The following TNK2 variants were observed in gnomAD, a reference collection of about 807,000 sequenced individuals.
The protein encoded by TNK2 is tyrosine kinase non receptor 2.
In TNK2, 83 loss-of-function variants were observed where a neutral mutation model predicts 101.8. The ratio of observed to expected loss-of-function variants is 0.82; its 90% CI spans 0.68 to 0.98. The LOEUF is 0.98. TNK2 is among the 50% of genes least tolerant of loss of function. The probability of loss-of-function intolerance (pLI) is 0.00; values close to 1 mark genes in which losing one functional copy is unlikely to be tolerated. For missense variants in TNK2, 1,665 were observed against 1,483.2 expected (o/e 1.12, Z -2.01); for synonymous variants, 804 against 633.0 (o/e 1.27, Z -4.06).
chr3:195,896,152 G>C, intron 1 of TNK2: 1 of 455,118 alleles, frequency 2.2e-6, no homozygotes, highest in Non-Finnish European at 4.4e-6. Flanking sequence ...ACTGGCGCGA[G>C]GCCATCGCCG....
chr3:195,869,707 A>T (rs916654850), intron 11 of TNK2, 166 bp from the exon 12 acceptor site: 4 of 714,376 alleles, frequency 5.6e-6, no homozygotes, highest in Admixed American at 2.2e-5. Flanking sequence ...CGCAGGCGGC[A>T]GGATGAGGAA....
At chr3:195,887,082 G>C (rs764471818) in intron 2 of TNK2, 35 bp from the exon 3 acceptor site, 2 of 1,554,684 alleles carry the variant, frequency 1.3e-6, no homozygotes, top group Middle Eastern at 2.2e-4. Flanking sequence ...TGCTGTGAAG[G>C]CCGCCGTAGC....
intron 1 of TNK2, among the ~76,000 whole-genome samples, chr3:195,902,074 T>C (rs998013626): frequency 1.3e-5 from 2 of 152,102 alleles, no homozygotes; most frequent in African/African-American, 2.4e-5. Flanking sequence ...CTGAATGCCA[T>C]AGGCCCCTAG....
At chr3:195,907,716 G>GCTGTCCTGACA (rs1272729975) in intron 1 of TNK2, among the ~76,000 whole-genome samples, 2 of 152,238 alleles carry the variant, frequency 1.3e-5, no homozygotes. Flanking sequence ...AGACTGGGCT[G>GCTGTCCTGACA]GGAGCTCCTG....
intron 10 of TNK2, 51 bp from the exon 11 acceptor site, chr3:195,870,256 T>C (rs1247982934): frequency 4.4e-6 from 7 of 1,594,648 alleles, no homozygotes; most frequent in Non-Finnish European, 5.1e-6. Flanking sequence ...TGTGGAGGGG[T>C]GGCAGAATCT....
At chr3:195,894,523 C>T (rs998356000) in intron 1 of TNK2, 2 of 151,830 alleles carry the variant, frequency 1.3e-5, no homozygotes, top group African/African-American at 4.8e-5. Context: ...TCCCGAGTAG[C>T]TGGGATTACA....
At chr3:195,884,730 A>G in intron 4 of TNK2, 82 bp downstream of exon 4, 1 of 1,355,226 alleles carries the variant, frequency 7.4e-7, no homozygotes, top group African/African-American at 1.4e-5. Flanking sequence ...AGTCCCATCC[A>G]CACCCTGGTT....
chr3:195,903,765 C>A (rs1380566641), intron 1 of TNK2, among the ~76,000 whole-genome samples: 1 of 151,816 alleles, frequency 6.6e-6, no homozygotes, highest in East Asian at 1.9e-4. Flanking sequence ...GGCAATCAGG[C>A]AAGAAAAAGA....
At chr3:195,896,075 C>T (rs931124003) in intron 1 of TNK2, 18 of 455,410 alleles carry the variant, frequency 4.0e-5, no homozygotes, top group Non-Finnish European at 7.1e-5. Flanking sequence ...AGAGCGGTGA[C>T]ACGAGGGCCC....
chr3:195,885,372 T>G lies in TNK2; in HGVS notation c.235-339A>C. 2.3e-5 allele frequency: 20 copies of G among 867,658 alleles called. No homozygotes were observed. The highest frequency in any genetic ancestry group is 3.1e-5 in the South Asian group (2 of 64,632). The allele number at this position is 867,658 out of a possible 1,614,324, so 53.7% of individuals were successfully genotyped here. ...GTCTCCTCCCAGTCCTGCCCCACCC[T>G]CCCTTCCTGCACCCGCCACCCCGCA... On this transcript the variant is annotated intron_variant, in intron 3 of 15. Transcript: ENST00000672887. This position sits in a 1 kb window ranked among gnomAD's most constrained non-coding sequence, Gnocchi z 4.7.
Position 195,867,820 on chromosome 3 carries a change from A to G in TNK2, c.2478T>C (p.Pro826=), listed in dbSNP as rs1384286708. Residue 826 remains proline, a synonymous_variant, in exon 13 of 16, where the codon CCT becomes CCC. Transcript: ENST00000672887. ...TCTGGGTGGTGGGCATGGTCTTCCC[A>G]GGTGAGCTTGAGAGCCGGGGTGGCA... is the stretch of plus-strand genomic sequence containing the variant. ...SPLPPRLSSS[P]GKTMPTTQSF... 2 of 1,546,514 alleles carry G rather than the reference A, an allele frequency of 1.3e-6. No individual in the cohort carries two copies. The highest frequency in any genetic ancestry group is 2.8e-5 in the African/African-American group (2 of 71,970).
rs539337167 is a variant in TNK2, at chr3:195,900,208, G to A, written c.-19+8277C>T. On this transcript the variant is annotated intron_variant, in intron 1 of 15. Coordinates refer to ENST00000672887, the MANE Select transcript of TNK2 (RefSeq NM_001382273.1). ...GGCGCGGGCTGCCACACAGGGTGATGGGAAGGGGGCCTGGGTCTGTCAGGA... is the reference window on the plus strand; with the variant it reads ...GGCGCGGGCTGCCACACAGGGTGATAGGAAGGGGGCCTGGGTCTGTCAGGA... Among the ~76,000 whole-genome samples, 16 of 152,228 alleles carry A rather than the reference G, an allele frequency of 1.1e-4. No individual in the cohort carries two copies. In the South Asian group the frequency reaches 3.1e-3, roughly 30 times the overall value.
At chr3:195,892,549 C>A in intron 1 of TNK2, 1 of 1,522,408 alleles carries the variant, frequency 6.6e-7, no homozygotes, top group Non-Finnish European at 8.8e-7. Context: ...GGCTCCGGAG[C>A]TTCGCACTCT....
chr3:195,901,663 A>T (rs772011974), intron 1 of TNK2, among the ~76,000 whole-genome samples: 2 of 152,162 alleles, frequency 1.3e-5, no homozygotes, highest in African/African-American at 2.4e-5. Flanking sequence ...GGTCCTCAGG[A>T]AGACACTATG....
chr3:195,868,801 C>A, intron 12 of TNK2, 92 bp from the exon 13 acceptor site: 7 of 1,384,526 alleles, frequency 5.1e-6, no homozygotes, highest in Non-Finnish European at 6.6e-6. Context: ...AGCCAAGTGT[C>A]CCCCAGCAAC....
At chr3:195,891,994 G>T in intron 1 of TNK2, 1 of 1,008,690 alleles carries the variant, frequency 9.9e-7, no homozygotes, top group Non-Finnish European at 1.2e-6. Flanking sequence ...AGGACGGGAA[G>T]GAACTCCGGG....
chr3:195,869,198 G>A lies in TNK2; in HGVS notation c.1588+299C>T, dbSNP rs1055497734. On this transcript the variant is annotated intron_variant, in intron 12 of 15. Coordinates refer to ENST00000672887, the MANE Select transcript of TNK2 (RefSeq NM_001382273.1). ...CCAGACAGCGCCTGCAGGTCTGGGA[G>A]GCAGCGAGGCCAAGGCAGAAGCCAG... The A allele has an allele frequency of 1.2e-5, 7 of 575,660 alleles. No individual in the cohort carries two copies. The African/African-American group carries it at 1.3e-4, about 11-fold the overall frequency. The allele number at this position is 575,660 out of a possible 1,614,324, so 35.7% of individuals were successfully genotyped here.
intron 13 of TNK2, 47 bp downstream of exon 13, chr3:195,867,314 C>T: frequency 6.2e-7 from 1 of 1,610,392 alleles, no homozygotes; most frequent in Non-Finnish European, 8.5e-7. Flanking sequence ...TGCTCCAGGC[C>T]CCTTGGGCCC....
At chr3:195,877,611 C>T (rs1254975308) in intron 9 of TNK2, among the ~76,000 whole-genome samples, 3 of 152,198 alleles carry the variant, frequency 2.0e-5, no homozygotes, top group African/African-American at 7.2e-5. Context: ...CTCAGACACC[C>T]TGGGGATCAG....
Sources: gnomAD v4.1 joint callset for allele counts (sites outside exome capture counted in the v4.1 genomes callset) on GRCh38, gnomAD v4.1.1 for gene constraint, Gnocchi (gnomAD v3.1) non-coding constraint, MANE v1.5 for transcripts, NCBI Gene and HGNC (gene_info 2026-07-23, HGNC 2026-07-21) for gene names.